The following HOOK2 variants were observed in gnomAD, a reference collection of about 807,000 sequenced individuals.
HOOK2 encodes protein Hook homolog 2.
A neutral mutation model predicts 111.9 loss-of-function variants in HOOK2; 108 were observed. The ratio of observed to expected loss-of-function variants is 0.96; its 90% confidence interval spans 0.83 to 1.13. HOOK2 has a LOEUF of 1.13. Among genes scored for constraint, HOOK2 ranks in the 50% most tolerant of loss-of-function variants. The pLI, the probability that HOOK2 is intolerant of heterozygous loss-of-function variation, is 0.00. For synonymous variants in HOOK2, 405 were observed against 394.3 expected (o/e 1.03, Z -0.32); for missense variants, 978 against 951.3 (o/e 1.03, Z -0.37).
chr19:12,775,124 G>A (rs1473963010), intron 1 of HOOK2: 1 of 934,486 alleles, frequency 1.1e-6, no homozygotes, highest in Non-Finnish European at 1.3e-6. Context: ...GGGTGGTATC[G>A]CGAGTCACCT....
rs201069138 is a variant in HOOK2 at position 12,772,744 on chromosome 19, C to G, written c.388+36G>C. The G allele has an allele frequency of 4.6e-4, 746 of 1,613,254 alleles. 5 individuals carry two copies. The highest frequency in any genetic ancestry group is 9.8e-4 in the Admixed American group (59 of 60,000). ...AGGTGGGGAGGAAGGAGGATTTCCTCAGGCCAGCCCTGGGGACCCCCTAAG... is the reference window on the plus strand; with the variant it reads ...AGGTGGGGAGGAAGGAGGATTTCCTGAGGCCAGCCCTGGGGACCCCCTAAG... On this transcript the variant is annotated intron_variant, in intron 5 of 22. Coordinates refer to ENST00000397668, the MANE Select transcript of HOOK2 (RefSeq NM_013312.3).
intron 16 of HOOK2, 23 bp from the exon 17 acceptor site, chr19:12,765,857 T>G: frequency 6.2e-7 from 1 of 1,610,456 alleles, no homozygotes; most frequent in African/African-American, 1.3e-5. Context: ...TCGGGCAGCA[T>G]GGGAGAGAGA....
chr19:12,766,144 C>T lies in HOOK2; in HGVS notation c.1470G>A (p.Glu490=). 1 of 1,601,482 alleles carries T rather than the reference C, an allele frequency of 6.2e-7. No individual in the cohort carries two copies. Among genetic ancestry groups the T allele is most frequent in the Non-Finnish European group, 8.5e-7 (1 of 1,179,168 alleles). The stretch of plus-strand genomic sequence containing the variant: ...ACCCGTGGCGCGCGCGGTTGGCATC[C>T]TCCAGGTGGCGCTGCAGCTCCTCCT... ...ERQEELQRHL[E]DANRARHGLE... The change falls in exon 15 of 23, where the codon GAG becomes GAA. Residue 490 remains glutamate, a synonymous_variant. Coordinates refer to ENST00000397668, the MANE Select transcript of HOOK2 (RefSeq NM_013312.3).
intron 3 of HOOK2, 79 bp from the exon 4 acceptor site, chr19:12,773,123 C>T: frequency 7.3e-7 from 1 of 1,367,498 alleles, no homozygotes; most frequent in Non-Finnish European, 1.0e-6. Context: ...CTCTCCACCT[C>T]ACTTCTCCTT....
At chr19:12,776,467 G>A (rs1043457946), upstream of HOOK2, among the ~76,000 whole-genome samples, 7 of 151,584 alleles carry the variant, frequency 4.6e-5, no homozygotes, top group African/African-American at 1.7e-4. Context: ...GGATCACGAG[G>A]TCAGGTGTTC....
At chr19:12,765,334 A>AG (rs1264965418) in intron 18 of HOOK2, 2 of 593,752 alleles carry the variant, frequency 3.4e-6, no homozygotes, top group Non-Finnish European at 6.0e-6. Flanking sequence ...CCCATCCCAC[A>AG]GCTCCCAAGC....
At chr19:12,767,059 A>G (rs1968176188) in intron 14 of HOOK2, among the ~76,000 whole-genome samples, 2 of 152,176 alleles carry the variant, frequency 1.3e-5, no homozygotes, top group Non-Finnish European at 2.9e-5. Context: ...CCGGCAGGGC[A>G]CAGGGGACTG....
upstream of HOOK2, among the ~76,000 whole-genome samples, chr19:12,777,021 G>A (rs1305848465): frequency 6.6e-6 from 1 of 151,188 alleles, no homozygotes; most frequent in Non-Finnish European, 1.5e-5. Context: ...GCCGGGCATG[G>A]TGGCACGCGC....
intron 3 of HOOK2, among the ~76,000 whole-genome samples, chr19:12,787,828 G>A (rs765583119): frequency 6.6e-6 from 1 of 152,062 alleles, no homozygotes; most frequent in South Asian, 2.1e-4. Flanking sequence ...AGACTCAGGC[G>A]GGCTGATCAC....
chr19:12,792,088 C>T, intron 3 of HOOK2: 6 of 1,602,880 alleles, frequency 3.7e-6, no homozygotes, highest in Non-Finnish European at 5.1e-6. Context: ...CCTACACCCC[C>T]GGGACAGTAC....
chr19:12,764,631 T>C (rs1350346820), intron 20 of HOOK2, 183 bp downstream of exon 20: 6 of 630,960 alleles, frequency 9.5e-6, no homozygotes, highest in Non-Finnish European at 8.4e-6. Context: ...CCCAGCCAGC[T>C]GTGCAGTATT....
chr19:12,765,731 G>A lies in HOOK2; in HGVS notation c.1606-7C>T. The A allele has an allele frequency of 6.2e-7, 1 of 1,614,200 alleles. No homozygotes were observed. Among genetic ancestry groups the A allele is most frequent in the African/African-American group, 1.3e-5 (1 of 75,058 alleles). On this transcript the variant is annotated splice_region_variant and splice_polypyrimidine_tract_variant and intron_variant, in intron 17 of 22. Transcript: ENST00000397668. ...TCCTTTTCAGCAAAATGGACTGGGA[G>A]AGAGAAGAGGCAAGGTGAGTGGGGG...
In HOOK2 at chr19:12,770,539, G is replaced by T. The variant is rs1301756489; in HGVS notation, c.902+393C>A. On this transcript the variant is annotated intron_variant, in intron 10 of 22. Transcript: ENST00000397668. ...ACAGAAGGCACAGTAGAGTCAAAAG[G>T]GGGTGCAAAGTAATTGCATTGTGGA... Among the ~76,000 whole-genome samples the T allele has an allele frequency of 3.3e-5, 5 of 152,058 alleles. No homozygotes were observed. The East Asian group carries it at 7.7e-4, about 24-fold the overall frequency.
chr19:12,768,944 C>CG (rs1452500372), intron 11 of HOOK2, among the ~76,000 whole-genome samples: 1 of 151,192 alleles, frequency 6.6e-6, no homozygotes, highest in African/African-American at 2.4e-5. Flanking sequence ...ATTACAGGCG[C>CG]GCGCCACCAG....
chr19:12,777,729 C>T (rs915712550), upstream of HOOK2, among the ~76,000 whole-genome samples: 1 of 152,250 alleles, frequency 6.6e-6, no homozygotes, highest in South Asian at 2.1e-4. Flanking sequence ...CCGCGTCGCC[C>T]GGGCCCACCA....
intron 3 of HOOK2, among the ~76,000 whole-genome samples, chr19:12,773,502 C>T (rs1475442501): frequency 6.6e-6 from 1 of 152,032 alleles, no homozygotes; most frequent in East Asian, 1.9e-4. Context: ...CCACCTCAGC[C>T]TCTAAAATTG....
intron 11 of HOOK2, among the ~76,000 whole-genome samples, chr19:12,768,501 T>C (rs1182592126): frequency 3.9e-5 from 6 of 152,214 alleles, no homozygotes; most frequent in African/African-American, 1.4e-4. Flanking sequence ...TATTATAAAA[T>C]AGGCTTTATG....
chr19:12,784,739 G>A (rs8102357), intron 3 of HOOK2: 7,183 of 152,398 alleles, frequency 0.047, 610 homozygotes, highest in African/African-American at 0.17. Flanking sequence ...GAGATATGCA[G>A]ACACAGGCAT....
At chr19:12,771,951 C>A in intron 7 of HOOK2, 1 of 506,940 alleles carries the variant, frequency 2.0e-6, no homozygotes. Context: ...GAAGGAAGAG[C>A]GATTCCAGAA....
Sources: gnomAD v4.1 joint callset for allele counts (sites outside exome capture counted in the v4.1 genomes callset) on GRCh38, gnomAD v4.1.1 for gene constraint, MANE v1.5 for transcripts, NCBI Gene and HGNC (gene_info 2026-07-23, HGNC 2026-07-21) for gene names.